RBM33: variants seen among roughly 807,000 people sequenced by gnomAD.
RBM33 encodes RNA-binding protein 33.
Under a neutral mutation model 132.6 loss-of-function variants are expected in RBM33, and 28 were observed. The observed-to-expected ratio is 0.21, with a 90% CI of 0.16 to 0.29. RBM33 has a LOEUF of 0.29. RBM33 is among the 10% of genes least tolerant of loss of function. The pLI is 1.00. For synonymous variants in RBM33, 634 were observed against 593.0 expected (o/e 1.07, Z -1.01); for missense variants, 1,291 against 1,518.5 (o/e 0.85, Z 2.49).
intron 3 of RBM33, among the ~76,000 whole-genome samples, chr7:155,678,394 A>G (rs970337500): frequency 6.6e-6 from 1 of 152,074 alleles, no homozygotes; most frequent in Non-Finnish European, 1.5e-5. Flanking sequence ...GTGTTTTTAC[A>G]TTTAACTTGC....
At chr7:155,673,573 T>C (rs1188071030) in intron 3 of RBM33, among the ~76,000 whole-genome samples, 1 of 86,672 alleles carries the variant, frequency 1.2e-5, no homozygotes, top group African/African-American at 5.4e-5. Context: ...CACATATACA[T>C]ACACACGTGT....
chr7:155,674,289 C>T (rs1799113470), intron 3 of RBM33, among the ~76,000 whole-genome samples: 1 of 151,982 alleles, frequency 6.6e-6, no homozygotes, highest in African/African-American at 2.4e-5. Context: ...GTGGGATGTT[C>T]AGTCCTTCTT....
At position 155,665,289 on chromosome 7, in the gene RBM33, C is replaced by CCGAT. The variant is rs1309354858; in HGVS notation, c.122+38_122+41dup. ...CCTGTGCTTCACCTAACTGCCTGTG[C>CCGAT]CGATCTCTCTCATTCTGACACTTGG... On this transcript the variant is annotated intron_variant, in intron 2 of 17. Coordinates refer to ENST00000401878, the MANE Select transcript of RBM33 (RefSeq NM_053043.3). 10 of 1,574,940 alleles carry CCGAT rather than the reference C, an allele frequency of 6.3e-6. No homozygotes were observed. The South Asian group carries it at 1.1e-4, about 17-fold the overall frequency.
At chr7:155,724,452 C>G (rs58987660) in intron 9 of RBM33, among the ~76,000 whole-genome samples, 1,969 of 152,260 alleles carry the variant, frequency 0.013, 46 homozygotes, top group African/African-American at 0.045. Context: ...CGCTTGAACC[C>G]AGGAGGCGGA....
chr7:155,716,316 G>GTTTTTTTTTTTTTTTTTTTTTTTTTTTT (rs59289310), intron 8 of RBM33, among the ~76,000 whole-genome samples: 2 of 102,376 alleles, frequency 2.0e-5, no homozygotes, highest in African/African-American at 3.9e-5. Flanking sequence ...CTTTTCTGCT[G>GTTTTTTTTTTTTTTTTTTTTTTTTTTTT]TTTTTTTTTT....
intron 1 of RBM33, 80 bp downstream of exon 1, chr7:155,644,999 A>C: frequency 8.9e-7 from 1 of 1,119,970 alleles, no homozygotes; most frequent in Non-Finnish European, 1.2e-6. Flanking sequence ...CTCCCCGCTT[A>C]GGAGAGGACG....
Position 155,738,162 on chromosome 7 carries a change from C to G in RBM33, c.1496C>G (p.Pro499Arg), listed in dbSNP as rs766906046. The G allele has an allele frequency of 1.2e-6, 2 of 1,614,010 alleles. No individual in the cohort carries two copies. Among genetic ancestry groups the G allele is most frequent in the Non-Finnish European group, 1.7e-6 (2 of 1,179,890 alleles). The change falls in exon 11 of 18, where the codon CCT (proline) becomes CGT (arginine). Residue 499 changes from proline to arginine, a missense_variant. Coordinates refer to ENST00000401878, the MANE Select transcript of RBM33 (RefSeq NM_053043.3). ...PTLLNSSHPV[P>R]TQSPLPFTQP... ...CTTCTTAACAGTAGCCATCCTGTTC[C>G]TACTCAGAGTCCTCTACCATTCACT...
intron 13 of RBM33, among the ~76,000 whole-genome samples, chr7:155,743,783 G>C (rs1449991281): frequency 6.6e-6 from 1 of 152,136 alleles, no homozygotes; most frequent in Admixed American, 6.5e-5. Context: ...GGGAAATTCC[G>C]ATGACTAGTA....
chr7:155,700,290 G>A (rs1331234086), intron 5 of RBM33, among the ~76,000 whole-genome samples: 1 of 152,152 alleles, frequency 6.6e-6, no homozygotes, highest in Non-Finnish European at 1.5e-5. Flanking sequence ...TCAGTAGAAC[G>A]GCACATTTGG....
chr7:155,707,283 C>T, intron 7 of RBM33: 1 of 666,024 alleles, frequency 1.5e-6, no homozygotes, highest in Admixed American at 2.1e-5. Context: ...AGAAATCATC[C>T]TGTACCACAG....
chr7:155,684,053 G>A lies in RBM33; in HGVS notation c.567+3145G>A, dbSNP rs184831566. Among the ~76,000 whole-genome samples the A allele has an allele frequency of 2.4e-4, 37 of 152,212 alleles. 1 individual carries two copies. The East Asian group carries it at 6.6e-3, about 27-fold the overall frequency. ...GATAGGACGCTAACAGTTTTTTCTGGAAAATAAAATGTGTTGTGTTCAGAT... is the reference window on the plus strand; with the variant it reads ...GATAGGACGCTAACAGTTTTTTCTGAAAAATAAAATGTGTTGTGTTCAGAT... On this transcript the variant is annotated intron_variant, in intron 5 of 17. Transcript: ENST00000401878.
At chr7:155,712,071 G>A (rs891612228) in intron 8 of RBM33, among the ~76,000 whole-genome samples, 2 of 152,200 alleles carry the variant, frequency 1.3e-5, no homozygotes, top group African/African-American at 2.4e-5. Flanking sequence ...AGTACAGTCT[G>A]AATGCAAAGA....
intron 14 of RBM33, among the ~76,000 whole-genome samples, chr7:155,748,604 T>C (rs1203914991): frequency 6.6e-6 from 1 of 152,222 alleles, no homozygotes; most frequent in Non-Finnish European, 1.5e-5. Context: ...AATGAAATAA[T>C]TTATCGTTGG....
intron 5 of RBM33, among the ~76,000 whole-genome samples, chr7:155,690,396 A>T (rs541959506): frequency 6.6e-6 from 1 of 152,190 alleles, no homozygotes; most frequent in South Asian, 2.1e-4. Context: ...TGAATATAGC[A>T]CAGTGAGGGG....
chr7:155,670,450 G>A (rs1384003404), intron 2 of RBM33, among the ~76,000 whole-genome samples: 1 of 152,178 alleles, frequency 6.6e-6, no homozygotes, highest in Non-Finnish European at 1.5e-5. Context: ...TTCCTTATGT[G>A]TACATCCTTT....
At chr7:155,697,145 G>T (rs1444752137) in intron 5 of RBM33, among the ~76,000 whole-genome samples, 3 of 152,122 alleles carry the variant, frequency 2.0e-5, no homozygotes, top group Non-Finnish European at 4.4e-5. Flanking sequence ...AAGGGATGGG[G>T]TTCTGGGGAG....
Position 155,778,414 on chromosome 7 carries a change from G to T in RBM33, c.*3373G>T, listed in dbSNP as rs144160211. 3.8e-3 allele frequency: 579 copies of T among 152,482 alleles called. 2 individuals carry two copies. Among genetic ancestry groups the T allele is most frequent in the Admixed American group, 5.9e-3 (91 of 15,298 alleles). 9.4% of individuals were successfully genotyped at this position (152,482 alleles called of 1,614,324 possible). A position where few individuals can be genotyped will look rare whatever the true frequency, so the allele number is the denominator to read the frequency against. On this transcript the variant is annotated 3_prime_UTR_variant, in exon 18 of 18. Transcript: ENST00000401878. This position sits in a 1 kb window ranked among gnomAD's most constrained non-coding sequence, Gnocchi z 4.0. ...GAAGAGGAGTTTAGGGTGAAAAGGA[G>T]GAAGGGATGGACAGACCCAGGTGAG...
chr7:155,751,607 C>G (rs915728852), intron 14 of RBM33, among the ~76,000 whole-genome samples: 4 of 152,232 alleles, frequency 2.6e-5, no homozygotes, highest in East Asian at 1.9e-4. Context: ...TCATCCTGAT[C>G]GGTTTCAGGT....
Position 155,744,969 on chromosome 7 carries a change from T to C in RBM33, c.2346T>C (p.Asp782=). The C allele has an allele frequency of 1.3e-6, 2 of 1,560,002 alleles. No individual in the cohort carries two copies. The highest frequency in any genetic ancestry group is 1.7e-6 in the Non-Finnish European group (2 of 1,157,308). The change falls in exon 14 of 18, where the codon GAT becomes GAC. Residue 782 remains aspartate (D), a synonymous_variant. Coordinates refer to ENST00000401878, the MANE Select transcript of RBM33 (RefSeq NM_053043.3). The part of the protein sequence containing the change: ...EEAKTETEFP[D]EDEETRLYRL... ...TATGTTTTCCATTTTAGTTTCCTGA[T>C]GAAGATGAGGAAACAAGGTTATATC...
Sources: gnomAD v4.1 joint callset for allele counts (sites outside exome capture counted in the v4.1 genomes callset) on GRCh38, gnomAD v4.1.1 for gene constraint, Gnocchi (gnomAD v3.1) non-coding constraint, MANE v1.5 for transcripts, NCBI Gene and HGNC (gene_info 2026-07-23, HGNC 2026-07-21) for gene names.